The following HMCN1 variants were observed in gnomAD, a reference collection of about 807,000 sequenced individuals.
The protein encoded by HMCN1 is hemicentin-1.
In HMCN1, 321 loss-of-function variants were observed where a neutral mutation model predicts 625.9. The ratio of observed to expected loss-of-function variants is 0.51; its 90% CI spans 0.47 to 0.56. The LOEUF (loss-of-function observed/expected upper bound fraction) is 0.56. HMCN1 is among the 20% of genes least tolerant of loss of function. The probability of loss-of-function intolerance (pLI) is 0.00; values close to 1 mark genes in which losing one functional copy is unlikely to be tolerated. For missense variants in HMCN1, 6,588 were observed against 6,887.3 expected, an observed-to-expected ratio of 0.96 and a Z score of 1.54; for synonymous variants, 2,425 against 2,417.6, an observed-to-expected ratio of 1.00 and a Z score of -0.09.
intron 2 of HMCN1, among the ~76,000 whole-genome samples, chr1:185,860,981 G>A (rs1662833263): frequency 6.6e-6 from 1 of 152,054 alleles, no homozygotes; most frequent in African/African-American, 2.4e-5. Context: ...AATGTTTGTA[G>A]TCTTAGAGAC....
intron 11 of HMCN1, among the ~76,000 whole-genome samples, chr1:185,950,990 G>A (rs1413128705): frequency 2.6e-5 from 4 of 151,144 alleles, no homozygotes; most frequent in South Asian, 2.1e-4. Flanking sequence ...GCTGTAGCAG[G>A]CGAGTGATAA....
intron 38 of HMCN1, 129 bp from the exon 39 acceptor site, chr1:186,039,599 G>A: frequency 1.1e-6 from 1 of 943,562 alleles, no homozygotes; most frequent in Admixed American, 1.8e-5. Flanking sequence ...AGATGTGAAA[G>A]AACTTACCAA....
chr1:186,086,546 T>C, intron 58 of HMCN1, 139 bp downstream of exon 58: 1 of 850,976 alleles, frequency 1.2e-6, no homozygotes, highest in Non-Finnish European at 1.9e-6. Flanking sequence ...CTTTGCCCAT[T>C]TGTGGTCATT....
rs146863550 is a variant in HMCN1 at position 186,090,778 on chromosome 1, G to A, written c.9748G>A (p.Ala3250Thr). Residue 3250 changes from alanine (A) to threonine (T), a missense_variant, in exon 64 of 107, where the codon GCT becomes ACT. Ala to Thr is a moderately conservative substitution (Grantham distance 58). This residue lies in a region of HMCN1 where 4,628 missense variants were observed against 4,853.1 expected (regional missense o/e 0.95). Coordinates refer to ENST00000271588, the MANE Select transcript of HMCN1 (RefSeq NM_031935.3). The part of the protein sequence containing the change: ...SIQVPPSVAG[A>T]EIPSDVSVLL... ...CAAAGTTCCTCCAAGTGTTGCTGGT[G>A]CTGAAATTCCAAGTGATGTCAGTGT... 4.3e-6 allele frequency: 7 copies of A among 1,612,268 alleles called. No homozygotes were observed. In the African/African-American group the frequency reaches 8.0e-5, roughly 18 times the overall value.
chr1:186,172,629 A>G (rs975513924), intron 102 of HMCN1, among the ~76,000 whole-genome samples: 3 of 152,218 alleles, frequency 2.0e-5, no homozygotes, highest in African/African-American at 7.2e-5. Flanking sequence ...ACAAAGGTAC[A>G]TTATAGTTCT....
chr1:186,080,847 CTATT>C (rs1468987992), intron 55 of HMCN1, among the ~76,000 whole-genome samples: 3 of 152,060 alleles, frequency 2.0e-5, no homozygotes, highest in Non-Finnish European at 2.9e-5. Context: ...ACTTAAATAT[CTATT>C]TATACAGATG....
intron 68 of HMCN1, among the ~76,000 whole-genome samples, chr1:186,100,972 A>T (rs1432160223): frequency 6.6e-6 from 1 of 152,106 alleles, no homozygotes. Flanking sequence ...CTTTCTTACA[A>T]GCCCCACAAA....
intron 4 of HMCN1, among the ~76,000 whole-genome samples, chr1:185,888,873 G>A (rs1053250508): frequency 6.8e-6 from 1 of 147,258 alleles, no homozygotes; most frequent in Non-Finnish European, 1.5e-5. Context: ...GATGGGGATG[G>A]CATTGAATCT....
At chr1:186,122,889 G>A in intron 80 of HMCN1, 62 bp from the exon 81 acceptor site, 1 of 1,534,760 alleles carries the variant, frequency 6.5e-7, no homozygotes, top group East Asian at 2.2e-5. Flanking sequence ...ACTGTAGTAT[G>A]TAATTTGCGC....
intron 15 of HMCN1, among the ~76,000 whole-genome samples, chr1:185,970,841 G>A (rs958121325): frequency 2.0e-5 from 3 of 151,752 alleles, no homozygotes; most frequent in African/African-American, 7.3e-5. Flanking sequence ...TGTATTTTTA[G>A]TAGAGGCGGG....
intron 80 of HMCN1, 111 bp downstream of exon 80, chr1:186,120,256 A>G: frequency 8.1e-7 from 1 of 1,234,090 alleles, no homozygotes; most frequent in Non-Finnish European, 1.1e-6. Flanking sequence ...AGTTCTCGAC[A>G]TTCTTAGTTT....
At chr1:185,839,753 T>G (rs1198739646) in intron 1 of HMCN1, among the ~76,000 whole-genome samples, 1 of 152,228 alleles carries the variant, frequency 6.6e-6, no homozygotes, top group Non-Finnish European at 1.5e-5. Context: ...AACAATTTTT[T>G]CTACATCTCA....
chr1:186,129,948 G>A lies in HMCN1; in HGVS notation c.12905-18G>A. On this transcript the variant is annotated intron_variant, in intron 83 of 106. Coordinates refer to ENST00000271588, the MANE Select transcript of HMCN1 (RefSeq NM_031935.3). The stretch of plus-strand genomic sequence containing the variant: ...TAGGTTACTGAGAGGCACTTGTGTT[G>A]TTTCTTGTTTCCCTCAGCCCACTTT... 1.2e-6 allele frequency: 2 copies of A among 1,612,430 alleles called. No individual in the cohort carries two copies. Among genetic ancestry groups the A allele is most frequent in the Non-Finnish European group, 1.7e-6 (2 of 1,178,832 alleles).
Position 186,178,502 on chromosome 1 carries a change from G to T in HMCN1, c.16030G>T (p.Gly5344Ter). The change falls in exon 104 of 107, where the codon GGA (glycine) becomes TGA (stop). Residue 5344 changes from glycine to a stop codon, truncating the protein, a stop_gained. Transcript: ENST00000271588. LOFTEE classifies it high-confidence loss of function. ...CAGCTTCAAGTGTATCTGTCCACCA[G>T]GACAACATTTATTAGGGGACGGGAA... ...PGSFKCICPPGQHLLGDGKSC... is the reference protein window; with the variant it reads ...PGSFKCICPP The T allele has an allele frequency of 3.1e-6, 5 of 1,614,050 alleles. No individual in the cohort carries two copies. Among genetic ancestry groups the T allele is most frequent in the Non-Finnish European group, 4.2e-6 (5 of 1,179,980 alleles).
intron 1 of HMCN1, among the ~76,000 whole-genome samples, chr1:185,812,620 T>C (rs1225987310): frequency 6.6e-6 from 1 of 152,146 alleles, no homozygotes; most frequent in Non-Finnish European, 1.5e-5. Flanking sequence ...AGCACAGATA[T>C]TAGACTTTTG....
At chr1:185,740,820 C>A (rs1653942221) in intron 1 of HMCN1, among the ~76,000 whole-genome samples, 1 of 151,882 alleles carries the variant, frequency 6.6e-6, no homozygotes, top group African/African-American at 2.4e-5. Flanking sequence ...ATGGTGAAAC[C>A]CCGTCTCCAC....
chr1:186,112,970 A>G lies in HMCN1; in HGVS notation c.11131+17A>G. 1 of 1,613,380 alleles carries G rather than the reference A, an allele frequency of 6.2e-7. No individual in the cohort carries two copies. The highest frequency in any genetic ancestry group is 8.5e-7 in the Non-Finnish European group (1 of 1,179,764). On this transcript the variant is annotated intron_variant, in intron 72 of 106. Coordinates refer to ENST00000271588, the MANE Select transcript of HMCN1 (RefSeq NM_031935.3). Reference sequence around the variant, plus strand: ...CTGTAAATGGTAAGAAAAGGTATTCATTGTTCCACAATTTAAAAATCTGAC... The same window carrying G: ...CTGTAAATGGTAAGAAAAGGTATTCGTTGTTCCACAATTTAAAAATCTGAC...
intron 4 of HMCN1, among the ~76,000 whole-genome samples, chr1:185,903,363 A>AT (rs1400182137): frequency 6.6e-6 from 1 of 151,684 alleles, no homozygotes; most frequent in Admixed American, 6.6e-5. Flanking sequence ...CTGAGCCCAA[A>AT]TTTTCTAAGC....
At chr1:185,944,373 A>C (rs574703759) in intron 11 of HMCN1, among the ~76,000 whole-genome samples, 1 of 152,284 alleles carries the variant, frequency 6.6e-6, no homozygotes, top group East Asian at 1.9e-4. Context: ...GTGCACTAAA[A>C]TCTCAGAATT....
Sources: gnomAD v4.1 joint callset for allele counts (sites outside exome capture counted in the v4.1 genomes callset) on GRCh38, gnomAD v4.1.1 for gene constraint, gnomAD v4.1.1 regional missense constraint, MANE v1.5 for transcripts, NCBI Gene and HGNC (gene_info 2026-07-23, HGNC 2026-07-21) for gene names.